The following DPYSL2 variants were observed in gnomAD, a reference collection of about 807,000 sequenced individuals.
DPYSL2 encodes dihydropyrimidinase-related protein 2.
DPYSL2 carries 13 observed loss-of-function variants against 69.9 expected under a neutral mutation model. That is an observed-to-expected ratio of 0.19 (90% CI 0.12 to 0.30). The LOEUF is 0.30. Ranked by LOEUF, DPYSL2 falls within the 10% of genes least tolerant of loss-of-function variation. DPYSL2 has a pLI of 1.00. For synonymous variants in DPYSL2, 326 were observed against 359.1 expected (o/e 0.91, Z 1.04); for missense variants, 587 against 918.9 (o/e 0.64, Z 4.67).
In DPYSL2 at chr8:26,565,744, T is replaced by C. The variant is rs897786637; in HGVS notation, c.355-16225T>C. ...CACATAATAGTTCAAGGTGGGTGTT[T>C]CTGTTGAGTGGGCAGAGAAAGGTAC... On this transcript the variant is annotated intron_variant, in intron 1 of 13. Transcript: ENST00000521913. This position sits in a 1 kb window ranked among gnomAD's most constrained non-coding sequence, Gnocchi z 4.1. 4.6e-5 allele frequency among the ~76,000 whole-genome samples: 7 copies of C among 152,178 alleles called. No homozygotes were observed. Among genetic ancestry groups the C allele is most frequent in the African/African-American group, 1.7e-4 (7 of 41,432 alleles).
At chr8:26,545,550 G>A (rs998613457) in intron 1 of DPYSL2, among the ~76,000 whole-genome samples, 1 of 152,138 alleles carries the variant, frequency 6.6e-6, no homozygotes, top group African/African-American at 2.4e-5. Flanking sequence ...CCTGGCTAAC[G>A]TGGTCTGGAG....
chr8:26,627,263 G>A lies in DPYSL2; in HGVS notation c.904G>A (p.Val302Ile). 6.2e-7 allele frequency: 1 copy of A among 1,614,196 alleles called. No individual in the cohort carries two copies. The highest frequency in any genetic ancestry group is 1.1e-5 in the South Asian group (1 of 91,090). Residue 302 changes from valine (V) to isoleucine (I), a missense_variant, in exon 6 of 14, where the codon GTC (valine) becomes ATC (isoleucine). By Grantham distance (29) the Val-to-Ile change is conservative. This residue lies in a region of DPYSL2 where 452 missense variants were observed against 754.3 expected (regional missense o/e 0.60). Transcript: ENST00000521913. This position sits in a 1 kb window ranked among gnomAD's most constrained non-coding sequence, Gnocchi z 6.9. ...VIRDIGAIAQ[V>I]HAENGDIIAE... The stretch of plus-strand genomic sequence containing the variant: ...CCGGGATATTGGCGCCATAGCCCAA[G>A]TCCACGCAGAAAATGGCGACATCAT...
At chr8:26,521,327 G>A (rs1428685515) in intron 1 of DPYSL2, among the ~76,000 whole-genome samples, 1 of 125,226 alleles carries the variant, frequency 8.0e-6, no homozygotes, top group African/African-American at 2.6e-5. Flanking sequence ...AAGCCAGCTG[G>A]TAGTCCTGGC....
chr8:26,556,021 T>A (rs1359516924), intron 1 of DPYSL2, among the ~76,000 whole-genome samples: 1 of 106,128 alleles, frequency 9.4e-6, no homozygotes, highest in African/African-American at 3.7e-5. Flanking sequence ...TATATATAAA[T>A]ATATATATAA....
At chr8:26,570,140 C>T (rs2061746466) in intron 1 of DPYSL2, among the ~76,000 whole-genome samples, 1 of 152,204 alleles carries the variant, frequency 6.6e-6, no homozygotes, top group Non-Finnish European at 1.5e-5. Flanking sequence ...GTCTGAAATT[C>T]TACTAACCAG....
chr8:26,563,906 G>C (rs533080371), intron 1 of DPYSL2, among the ~76,000 whole-genome samples: 2 of 152,230 alleles, frequency 1.3e-5, no homozygotes, highest in South Asian at 4.1e-4. Context: ...ATAAAGCTTT[G>C]GAAGTTAGAA....
At chr8:26,616,363 C>T (rs904137562) in intron 3 of DPYSL2, among the ~76,000 whole-genome samples, 1 of 152,192 alleles carries the variant, frequency 6.6e-6, no homozygotes, top group Non-Finnish European at 1.5e-5. Context: ...GATGAGGTCA[C>T]CTGGCATTTT....
In DPYSL2 at chr8:26,643,448, T is replaced by C; in HGVS notation, c.1136T>C (p.Val379Ala). Residue 379 changes from valine (V) to alanine (A), a missense_variant, in exon 9 of 14, where the codon GTG (valine) becomes GCG (alanine). Val to Ala is a moderately conservative substitution (Grantham distance 64). Around this residue, in one of 3 missense-constraint regions of DPYSL2, gnomAD observed 452 missense variants for 754.3 expected, o/e 0.60. Transcript: ENST00000521913. The surrounding 1 kb of genome is among the most constrained non-coding windows in gnomAD (Gnocchi z 6.5). ...IAQARKKGTV[V>A]YGEPITASLG... ...GTGTTCTGTTTGTCAGGAACTGTGG[T>C]GTATGGCGAGCCCATCACTGCCAGC... 6.3e-7 allele frequency: 1 copy of C among 1,593,384 alleles called. No homozygotes were observed. The highest frequency in any genetic ancestry group is 8.5e-7 in the Non-Finnish European group (1 of 1,170,186).
rs1801479509 is a variant in DPYSL2, at chr8:26,580,908, C to A, written c.355-1061C>A. ...AGCAGCATTTGCAATAACGATGAGTCATAATGTAGCATTTCTGTCACATTC... is the reference window on the plus strand; with the variant it reads ...AGCAGCATTTGCAATAACGATGAGTAATAATGTAGCATTTCTGTCACATTC... On this transcript the variant is annotated intron_variant, in intron 1 of 13. Transcript: ENST00000521913. The surrounding 1 kb of genome is among the most constrained non-coding windows in gnomAD (Gnocchi z 4.1). Among the ~76,000 whole-genome samples, 1 of 152,190 alleles carries A rather than the reference C, an allele frequency of 6.6e-6. No individual in the cohort carries two copies. Among genetic ancestry groups the A allele is most frequent in the South Asian group, 2.1e-4 (1 of 4,834 alleles).
chr8:26,540,723 T>A (rs1477766148), intron 1 of DPYSL2, among the ~76,000 whole-genome samples: 1 of 152,120 alleles, frequency 6.6e-6, no homozygotes, highest in African/African-American at 2.4e-5. Flanking sequence ...CTGGCTAACA[T>A]GGTGAAATCC....
intron 1 of DPYSL2, among the ~76,000 whole-genome samples, chr8:26,546,921 CAAAAAAAAAAAAAA>C (rs61360009): frequency 4.3e-5 from 2 of 46,206 alleles, no homozygotes; most frequent in Non-Finnish European, 6.7e-5. Flanking sequence ...GACTCAGTCT[CAAAAAAAAAAAAAA>C]AAAAAAAAAA....
chr8:26,630,143 T>TAC (rs1000179789), intron 7 of DPYSL2, among the ~76,000 whole-genome samples: 1 of 152,224 alleles, frequency 6.6e-6, no homozygotes, highest in African/African-American at 2.4e-5. Flanking sequence ...CGCATAGGTG[T>TAC]ACACACACAT....
At position 26,564,447 on chromosome 8, in the gene DPYSL2, G is replaced by C. The variant is rs1022110900; in HGVS notation, c.355-17522G>C. On this transcript the variant is annotated intron_variant, in intron 1 of 13. Coordinates refer to ENST00000521913, the MANE Select transcript of DPYSL2 (RefSeq NM_001197293.3). The surrounding 1 kb of genome is among the most constrained non-coding windows in gnomAD (Gnocchi z 4.8). ...AGACTTTGAGATTTGGGAGCAGGCC[G>C]GGGTGGGAAACAGCATGGATTTGGG... Among the ~76,000 whole-genome samples, 1 of 152,142 alleles carries C rather than the reference G, an allele frequency of 6.6e-6. No individual in the cohort carries two copies. The highest frequency in any genetic ancestry group is 2.4e-5 in the African/African-American group (1 of 41,434).
At position 26,586,697 on chromosome 8, in the gene DPYSL2, G is replaced by C. The variant is rs1801612645; in HGVS notation, c.628+2714G>C. Among the ~76,000 whole-genome samples, 1 of 152,176 alleles carries C rather than the reference G, an allele frequency of 6.6e-6. No homozygotes were observed. The highest frequency in any genetic ancestry group is 6.5e-5 in the Admixed American group (1 of 15,276). Reference sequence around the variant, plus strand: ...TTAGGGACGAGGGACATCCCCCTCTGAGTGCAGCACCTGGCCCAGGGAGCT... The same window carrying C: ...TTAGGGACGAGGGACATCCCCCTCTCAGTGCAGCACCTGGCCCAGGGAGCT... On this transcript the variant is annotated intron_variant, in intron 3 of 13. Coordinates refer to ENST00000521913, the MANE Select transcript of DPYSL2 (RefSeq NM_001197293.3). The surrounding 1 kb of genome is among the most constrained non-coding windows in gnomAD (Gnocchi z 4.7).
chr8:26,563,778 G>T (rs374641781), intron 1 of DPYSL2, among the ~76,000 whole-genome samples: 2 of 152,198 alleles, frequency 1.3e-5, no homozygotes, highest in Non-Finnish European at 2.9e-5. Flanking sequence ...TGAGGGCAGA[G>T]GTGTTGTAGG....
chr8:26,540,223 T>A (rs1194065046), intron 1 of DPYSL2, among the ~76,000 whole-genome samples: 1 of 151,618 alleles, frequency 6.6e-6, no homozygotes, highest in East Asian at 1.9e-4. Flanking sequence ...ATGAATGAAA[T>A]GAGAAATTCA....
intron 1 of DPYSL2, among the ~76,000 whole-genome samples, chr8:26,553,618 C>A (rs1800901655): frequency 1.3e-5 from 2 of 152,060 alleles, no homozygotes; most frequent in African/African-American, 4.8e-5. Flanking sequence ...TGTCTTTATC[C>A]AATGTACAGT....
Position 26,567,155 on chromosome 8 carries a change from CCCATCCAT to C in DPYSL2, c.355-14794_355-14787del, listed in dbSNP as rs147501253. Among the ~76,000 whole-genome samples the C allele has an allele frequency of 3.3e-3, 481 of 147,932 alleles. 1 individual carries two copies. Among genetic ancestry groups the C allele is most frequent in the African/African-American group, 0.01 (427 of 40,716 alleles). On this transcript the variant is annotated intron_variant, in intron 1 of 13. Coordinates refer to ENST00000521913, the MANE Select transcript of DPYSL2 (RefSeq NM_001197293.3). ...ATACAAACATACATACATACATCTG[CCCATCCAT>C]CCATCCATCCATCCATCCACCCATC...
intron 8 of DPYSL2, chr8:26,637,831 G>A (rs149114469): frequency 1.3e-5 from 2 of 152,364 alleles, no homozygotes; most frequent in African/African-American, 4.8e-5. Flanking sequence ...TCATCTCACA[G>A]GGTGATGATG....
Sources: allele counts gnomAD v4.1 joint callset (sites outside exome capture counted in the v4.1 genomes callset), GRCh38; gene constraint gnomAD v4.1.1; regional missense constraint gnomAD v4.1.1; non-coding constraint Gnocchi (gnomAD v3.1); transcripts MANE v1.5; gene names NCBI Gene and HGNC (gene_info 2026-07-23, HGNC 2026-07-21).